Variants in ANP32A observed in about 807,000 individuals in gnomAD.
ANP32A encodes the protein acidic leucine-rich nuclear phosphoprotein 32 family member A.
A neutral mutation model predicts 33.9 loss-of-function variants in ANP32A; 1 was observed. The observed-to-expected ratio is 0.03, with a 90% CI of 0.01 to 0.14. The LOEUF is 0.14. Ranked by LOEUF, ANP32A falls within the 10% of genes least tolerant of loss-of-function variation. ANP32A has a pLI of 1.00. For missense variants in ANP32A, 155 were observed against 306.0 expected (o/e 0.51, Z 3.68); for synonymous variants, 115 against 120.5 (o/e 0.95, Z 0.30).
chr15:68,797,383 C>A (rs1396104882), intron 1 of ANP32A, among the ~76,000 whole-genome samples: 1 of 152,118 alleles, frequency 6.6e-6, no homozygotes, highest in Non-Finnish European at 1.5e-5. Flanking sequence ...TATTACAGAA[C>A]CACAGCACTG....
intron 1 of ANP32A, among the ~76,000 whole-genome samples, chr15:68,811,192 G>A (rs909342173): frequency 6.6e-6 from 1 of 152,130 alleles, no homozygotes; most frequent in Non-Finnish European, 1.5e-5. Flanking sequence ...GAGTAAGAGA[G>A]GTGACAGGAT....
At chr15:68,781,187 A>G (rs1893862166) in intron 5 of ANP32A, 1 of 152,172 alleles carries the variant, frequency 6.6e-6, no homozygotes, top group African/African-American at 2.4e-5. Flanking sequence ...GAACTTGGTG[A>G]CAGACTTCTT....
intron 1 of ANP32A, among the ~76,000 whole-genome samples, chr15:68,811,509 G>A (rs1776236957): frequency 6.6e-6 from 1 of 152,130 alleles, no homozygotes; most frequent in South Asian, 2.1e-4. Context: ...CGGGAGGGAA[G>A]GGGTGGAGGC....
At chr15:68,786,077 G>A (rs1893928278) in intron 3 of ANP32A, among the ~76,000 whole-genome samples, 1 of 152,070 alleles carries the variant, frequency 6.6e-6, no homozygotes, top group Non-Finnish European at 1.5e-5. Flanking sequence ...CAAGTCCCGT[G>A]AGCATCCATG....
At chr15:68,812,662 C>T (rs990332345) in intron 1 of ANP32A, among the ~76,000 whole-genome samples, 1 of 152,172 alleles carries the variant, frequency 6.6e-6, no homozygotes. Context: ...CTTTTAATGG[C>T]TTTCAAACAT....
chr15:68,797,094 A>T (rs1280025442), intron 1 of ANP32A, among the ~76,000 whole-genome samples: 1 of 152,164 alleles, frequency 6.6e-6, no homozygotes, highest in East Asian at 1.9e-4. Context: ...CCCCAAAATA[A>T]GTACAACTAT....
chr15:68,795,567 C>T (rs957334522), intron 1 of ANP32A, among the ~76,000 whole-genome samples: 2 of 152,220 alleles, frequency 1.3e-5, no homozygotes, highest in Non-Finnish European at 2.9e-5. Flanking sequence ...CCTCTGTCTC[C>T]TCCCGCGGGT....
chr15:68,802,138 C>T (rs1388359368), intron 1 of ANP32A, among the ~76,000 whole-genome samples: 1 of 152,194 alleles, frequency 6.6e-6, no homozygotes, highest in Non-Finnish European at 1.5e-5. Context: ...CTCGCTGGTT[C>T]AAGGTCACCT....
chr15:68,790,616 G>A (rs558933891), intron 1 of ANP32A: 4 of 152,308 alleles, frequency 2.6e-5, no homozygotes, highest in African/African-American at 4.8e-5. Context: ...ACACAGTCTC[G>A]TTTAATCCCC....
chr15:68,787,011 T>C (rs1005798836), intron 3 of ANP32A, among the ~76,000 whole-genome samples: 20 of 152,210 alleles, frequency 1.3e-4, no homozygotes, highest in Non-Finnish European at 1.3e-4. Flanking sequence ...AGGAGAAAAC[T>C]GGAGTCCACC....
At chr15:68,791,296 T>C (rs1893994935) in intron 1 of ANP32A, 1 of 152,248 alleles carries the variant, frequency 6.6e-6, no homozygotes, top group Non-Finnish European at 1.5e-5. Context: ...TCTCTGAAGG[T>C]TCTCATGTCA....
rs529154541 is a variant in ANP32A at position 68,799,528 on chromosome 15, G to C, written c.55-11609C>G. On this transcript the variant is annotated intron_variant, in intron 1 of 6. Transcript: ENST00000465139. ...AACCAAAAAACTATGAAGAGAGTCA[G>C]GGAGGGTCCACATGACTCGAGACAA... is the stretch of plus-strand genomic sequence containing the variant. 9.7e-4 allele frequency among the ~76,000 whole-genome samples: 148 copies of C among 152,274 alleles called. 2 individuals are homozygous for C. The Middle Eastern group carries it at 0.02, about 21-fold the overall frequency.
At chr15:68,792,442 C>T (rs951149126) in intron 1 of ANP32A, among the ~76,000 whole-genome samples, 1 of 152,200 alleles carries the variant, frequency 6.6e-6, no homozygotes, top group Non-Finnish European at 1.5e-5. Flanking sequence ...CCCAAGATGT[C>T]AGATTGCTGG....
chr15:68,816,383 T>C (rs980065942), intron 1 of ANP32A, among the ~76,000 whole-genome samples: 2 of 152,294 alleles, frequency 1.3e-5, no homozygotes, highest in East Asian at 3.9e-4. Context: ...AATTTCCATA[T>C]GCACAATGAC....
intron 1 of ANP32A, among the ~76,000 whole-genome samples, chr15:68,815,099 G>C (rs1894362734): frequency 6.6e-6 from 1 of 152,204 alleles, no homozygotes; most frequent in Non-Finnish European, 1.5e-5. Flanking sequence ...GGTTGAGGCT[G>C]ATTTCCACTA....
Position 68,780,347 on chromosome 15 carries a change from C to A in ANP32A, c.688+63G>T. Reference sequence around the variant, plus strand: ...ACTGCCAGGGGCCTCTGAGTCTAAGCAATCTAAGGCCAAAGTGAAAGGGCC... The same window carrying A: ...ACTGCCAGGGGCCTCTGAGTCTAAGAAATCTAAGGCCAAAGTGAAAGGGCC... On this transcript the variant is annotated intron_variant, in intron 6 of 6. Coordinates refer to ENST00000465139, the MANE Select transcript of ANP32A (RefSeq NM_006305.4). This position sits in a 1 kb window ranked among gnomAD's most constrained non-coding sequence, Gnocchi z 4.3. The A allele has an allele frequency of 6.2e-7, 1 of 1,611,642 alleles. No homozygotes were observed. Among genetic ancestry groups the A allele is most frequent in the Non-Finnish European group, 8.5e-7 (1 of 1,178,680 alleles).
chr15:68,783,104 C>T (rs1251884323), intron 4 of ANP32A, 51 bp from the exon 5 acceptor site: 28 of 1,548,904 alleles, frequency 1.8e-5, no homozygotes, highest in Middle Eastern at 1.7e-4. Context: ...GAGCTGGCTC[C>T]GCCCCCCACA....
intron 3 of ANP32A, among the ~76,000 whole-genome samples, chr15:68,785,736 G>T (rs1172491216): frequency 6.6e-6 from 1 of 152,170 alleles, no homozygotes; most frequent in East Asian, 1.9e-4. Context: ...TGGGCAGGGG[G>T]CAGTGGAGAG....
chr15:68,797,973 A>G (rs1054788576), intron 1 of ANP32A, among the ~76,000 whole-genome samples: 1 of 152,230 alleles, frequency 6.6e-6, no homozygotes, highest in Admixed American at 6.5e-5. Context: ...AGAATAATCT[A>G]GATTACAGAA....
Sources: gnomAD v4.1 joint callset for allele counts (sites outside exome capture counted in the v4.1 genomes callset) on GRCh38, gnomAD v4.1.1 for gene constraint, Gnocchi (gnomAD v3.1) non-coding constraint, MANE v1.5 for transcripts, NCBI Gene and HGNC (gene_info 2026-07-23, HGNC 2026-07-21) for gene names.